Variants in UNC5C observed in about 807,000 individuals in gnomAD.
UNC5C encodes unc-5 netrin receptor C.
Under a neutral mutation model 99.8 loss-of-function variants are expected in UNC5C, and 47 were observed. That is an observed-to-expected ratio of 0.47 (90% confidence interval 0.37 to 0.60). UNC5C has a LOEUF of 0.60. UNC5C is among the 20% of genes least tolerant of loss of function. The pLI is 0.00. For missense variants in UNC5C, 1,062 were observed against 1,165.9 expected (o/e 0.91, Z 1.30); for synonymous variants, 487 against 452.2 (o/e 1.08, Z -0.98).
chr4:95,533,480 A>C (rs1410115791), intron 1 of UNC5C, among the ~76,000 whole-genome samples: 2 of 151,970 alleles, frequency 1.3e-5, no homozygotes, highest in Non-Finnish European at 2.9e-5. Flanking sequence ...TTATCATTTA[A>C]TGTGATATCA....
intron 1 of UNC5C, among the ~76,000 whole-genome samples, chr4:95,361,046 A>G (rs1406186663): frequency 1.3e-5 from 2 of 152,180 alleles, no homozygotes; most frequent in Admixed American, 6.6e-5. Flanking sequence ...GTTCATTGAC[A>G]TTTCCAGCAT....
intron 1 of UNC5C, among the ~76,000 whole-genome samples, chr4:95,483,285 G>A (rs1263925569): frequency 6.6e-6 from 1 of 151,650 alleles, no homozygotes; most frequent in African/African-American, 2.4e-5. Flanking sequence ...ACTTAAAAGG[G>A]TATTAATATT....
chr4:95,213,717 T>C (rs773944368), intron 10 of UNC5C, among the ~76,000 whole-genome samples: 1 of 152,094 alleles, frequency 6.6e-6, no homozygotes, highest in Admixed American at 6.6e-5. Context: ...TGGAGAAAAA[T>C]GCTCAGAATT....
chr4:95,257,189 G>A (rs188465691), intron 4 of UNC5C, among the ~76,000 whole-genome samples: 2 of 152,234 alleles, frequency 1.3e-5, no homozygotes, highest in Admixed American at 6.5e-5. Flanking sequence ...CAGTGTCAGC[G>A]CTGAAGTCCT....
At chr4:95,247,023 A>T (rs1352632790) in intron 5 of UNC5C, among the ~76,000 whole-genome samples, 1 of 151,474 alleles carries the variant, frequency 6.6e-6, no homozygotes, top group East Asian at 2.0e-4. Context: ...CCTGGGCGAC[A>T]GTGAAACCCT....
chr4:95,329,269 G>C (rs1743021215), intron 2 of UNC5C, among the ~76,000 whole-genome samples: 1 of 152,154 alleles, frequency 6.6e-6, no homozygotes, highest in South Asian at 2.1e-4. Context: ...CAGCCTGGAA[G>C]ACAGAGGAAG....
At chr4:95,193,628 GC>G (rs1295176817) in intron 12 of UNC5C, among the ~76,000 whole-genome samples, 1 of 152,164 alleles carries the variant, frequency 6.6e-6, no homozygotes, top group African/African-American at 2.4e-5. Flanking sequence ...GTCATTTGGG[GC>G]TGAGAAATCT....
chr4:95,482,194 C>G lies in UNC5C; in HGVS notation c.124+66540G>C, dbSNP rs1484898808. ...ACAAACAAACCCATCAAAAAGTGGG[C>G]GAAGGACATGAACAGACACTTCTCA... On this transcript the variant is annotated intron_variant, in intron 1 of 15. Transcript: ENST00000453304. 2.6e-5 allele frequency among the ~76,000 whole-genome samples: 4 copies of G among 151,578 alleles called. No homozygotes were observed. The East Asian group carries it at 5.8e-4, about 22-fold the overall frequency.
At chr4:95,268,016 C>A (rs1291606087) in intron 4 of UNC5C, among the ~76,000 whole-genome samples, 2 of 135,932 alleles carry the variant, frequency 1.5e-5, no homozygotes, top group East Asian at 4.8e-4. Flanking sequence ...GTGGCGCGAT[C>A]TCGGCTCACT....
chr4:95,229,015 A>C (rs1336026727), intron 7 of UNC5C, among the ~76,000 whole-genome samples: 1 of 152,180 alleles, frequency 6.6e-6, no homozygotes, highest in Non-Finnish European at 1.5e-5. Context: ...TTTGGCATAA[A>C]ACCCTATAAG....
chr4:95,299,717 C>CTT, intron 3 of UNC5C, among the ~76,000 whole-genome samples: 1 of 152,280 alleles, frequency 6.6e-6, no homozygotes, highest in South Asian at 2.1e-4. Context: ...GGGAACTCCC[C>CTT]TTTATAAAAG....
intron 1 of UNC5C, among the ~76,000 whole-genome samples, chr4:95,504,066 T>G (rs1426967371): frequency 6.6e-6 from 1 of 152,186 alleles, no homozygotes; most frequent in Non-Finnish European, 1.5e-5. Context: ...TACAGTTTTG[T>G]AATGCATGAT....
intron 1 of UNC5C, among the ~76,000 whole-genome samples, chr4:95,404,971 C>A (rs959328590): frequency 2.6e-5 from 4 of 152,164 alleles, no homozygotes; most frequent in African/African-American, 9.7e-5. Flanking sequence ...TGGGGGATCA[C>A]TTTCCCACTC....
chr4:95,378,417 C>A (rs1045654529), intron 1 of UNC5C, among the ~76,000 whole-genome samples: 2 of 152,208 alleles, frequency 1.3e-5, no homozygotes, highest in South Asian at 4.1e-4. Context: ...ATTTTTATAT[C>A]TTAAGGGTAT....
rs1009502225 is a variant in UNC5C at position 95,201,847 on chromosome 4, A to G, written c.2136+884T>C. Among the ~76,000 whole-genome samples, 132 of 151,902 alleles carry G rather than the reference A, an allele frequency of 8.7e-4. 1 individual carries two copies. The East Asian group carries it at 0.01, about 12-fold the overall frequency. ...TCTTGATCTCCTGACCTCGTGATCC[A>G]CCCGCCTTAGCCTCCCAAAGTGCTA... is the stretch of plus-strand genomic sequence containing the variant. On this transcript the variant is annotated intron_variant, in intron 12 of 15. Transcript: ENST00000453304.
intron 4 of UNC5C, among the ~76,000 whole-genome samples, chr4:95,274,862 C>T (rs1317130571): frequency 6.6e-6 from 1 of 152,022 alleles, no homozygotes; most frequent in Non-Finnish European, 1.5e-5. Flanking sequence ...CCCGTCTCTA[C>T]TAAAAATACA....
At chr4:95,267,836 C>T (rs1156469687) in intron 4 of UNC5C, among the ~76,000 whole-genome samples, 3 of 151,960 alleles carry the variant, frequency 2.0e-5, no homozygotes, top group African/African-American at 7.3e-5. Flanking sequence ...CAGAATGCTC[C>T]AAAGTTCATA....
intron 14 of UNC5C, among the ~76,000 whole-genome samples, chr4:95,176,691 TTTTG>T (rs1311388723): frequency 6.6e-6 from 1 of 152,172 alleles, no homozygotes; most frequent in Admixed American, 6.5e-5. Context: ...ACTGCTGTCT[TTTTG>T]TTTGTCTGTG....
chr4:95,378,316 TTAA>T (rs758222869), intron 1 of UNC5C, among the ~76,000 whole-genome samples: 81 of 152,188 alleles, frequency 5.3e-4, no homozygotes, highest in Admixed American at 3.3e-3. Flanking sequence ...ATATAATCTA[TTAA>T]TAAGAAGAAC....
Sources: allele counts gnomAD v4.1 joint callset (sites outside exome capture counted in the v4.1 genomes callset), GRCh38; gene constraint gnomAD v4.1.1; transcripts MANE v1.5; gene names NCBI Gene and HGNC (gene_info 2026-07-23, HGNC 2026-07-21).